NREP: variants seen among roughly 807,000 people sequenced by gnomAD.
NREP encodes the protein neuronal regeneration related protein, also known as neuronal regeneration-related protein.
In NREP, 5 loss-of-function variants were observed where a neutral mutation model predicts 8.6. The ratio of observed to expected loss-of-function variants is 0.58; its 90% CI spans 0.30 to 1.22. The LOEUF is 1.22. Ranked by LOEUF, NREP falls within the 50% of genes most tolerant of loss-of-function variation. NREP has a pLI of 0.07. For missense variants in NREP, 86 were observed against 82.5 expected (o/e 1.04, Z -0.17); for synonymous variants, 27 against 28.0 (o/e 0.96, Z 0.11).
At chr5:111,973,348 C>A (rs767471667) in intron 2 of NREP, among the ~76,000 whole-genome samples, 3 of 152,140 alleles carry the variant, frequency 2.0e-5, no homozygotes, top group East Asian at 3.8e-4. Context: ...CTTATCCACA[C>A]GCAACACTTG....
intron 2 of NREP, among the ~76,000 whole-genome samples, chr5:111,943,468 A>T (rs1011592181): frequency 6.6e-6 from 1 of 151,904 alleles, no homozygotes; most frequent in East Asian, 1.9e-4. Flanking sequence ...TTACTCTTAA[A>T]CCTATATCTC....
chr5:111,802,586 A>C (rs1752039284), intron 2 of NREP, among the ~76,000 whole-genome samples: 1 of 152,184 alleles, frequency 6.6e-6, no homozygotes, highest in African/African-American at 2.4e-5. Flanking sequence ...CAATTTAACA[A>C]ATGTAAAAAA....
intron 2 of NREP, among the ~76,000 whole-genome samples, chr5:111,930,871 A>T (rs920317540): frequency 1.3e-5 from 2 of 152,146 alleles, no homozygotes; most frequent in African/African-American, 4.8e-5. Flanking sequence ...CTTCCAGGAA[A>T]GGTTTCCTTA....
intron 2 of NREP, among the ~76,000 whole-genome samples, chr5:111,884,503 C>T (rs528600668): frequency 6.6e-6 from 1 of 152,232 alleles, no homozygotes; most frequent in East Asian, 1.9e-4. Flanking sequence ...ATACCAAAGC[C>T]AGGCAGAGAC....
intron 2 of NREP, among the ~76,000 whole-genome samples, chr5:111,777,444 C>A (rs751077691): frequency 3.3e-5 from 5 of 151,902 alleles, no homozygotes; most frequent in Non-Finnish European, 7.4e-5. Context: ...GGGTAGCTCA[C>A]TTTTCAGTGT....
intron 2 of NREP, among the ~76,000 whole-genome samples, chr5:111,892,641 A>T (rs2112535887): frequency 6.6e-6 from 1 of 151,564 alleles, no homozygotes; most frequent in South Asian, 2.1e-4. Flanking sequence ...AAAAAAAGGG[A>T]GTGAATGCCT....
chr5:111,895,402 A>G (rs1754485078), intron 2 of NREP, among the ~76,000 whole-genome samples: 1 of 152,196 alleles, frequency 6.6e-6, no homozygotes. Context: ...AGTGACAGTG[A>G]AGAACCAGCA....
At chr5:111,778,243 A>G (rs1316485848) in intron 2 of NREP, among the ~76,000 whole-genome samples, 1 of 152,194 alleles carries the variant, frequency 6.6e-6, no homozygotes, top group Non-Finnish European at 1.5e-5. Context: ...ATTTGTAATA[A>G]TGCAGATAAC....
At chr5:111,861,292 G>A (rs1753537419) in intron 2 of NREP, among the ~76,000 whole-genome samples, 1 of 152,108 alleles carries the variant, frequency 6.6e-6, no homozygotes, top group South Asian at 2.1e-4. Context: ...GGCTGCCCAG[G>A]TCTTTGCCCC....
chr5:111,734,904 T>C (rs1010849259), intron 3 of NREP: 3 of 427,860 alleles, frequency 7.0e-6, no homozygotes, highest in African/African-American at 2.0e-5. Flanking sequence ...ATATAAATTT[T>C]ACAAATTTTC....
At chr5:111,745,161 T>C (rs891121685) in intron 2 of NREP, among the ~76,000 whole-genome samples, 1 of 152,116 alleles carries the variant, frequency 6.6e-6, no homozygotes, top group African/African-American at 2.4e-5. Context: ...AACCCAAATA[T>C]ATATAAAGCG....
chr5:111,831,201 A>G (rs901206741), intron 2 of NREP, among the ~76,000 whole-genome samples: 4 of 152,038 alleles, frequency 2.6e-5, no homozygotes, highest in Non-Finnish European at 5.9e-5. Context: ...TCATCACTTT[A>G]CTGACATGGC....
rs774607946 is a variant in NREP, at chr5:111,730,768, C to CTATT, written c.*149_*152dup. The CTATT allele has an allele frequency of 6.2e-5, 51 of 827,184 alleles. No individual in the cohort carries two copies. The East Asian group carries it at 6.4e-4, about 10-fold the overall frequency. The allele number at this position is 827,184 out of a possible 1,614,324, so 51.2% of individuals were successfully genotyped here. A position where few individuals can be genotyped will look rare whatever the true frequency, so the allele number is the denominator to read the frequency against. On this transcript the variant is annotated 3_prime_UTR_variant, in exon 4 of 4. Coordinates refer to ENST00000257435, the MANE Select transcript of NREP (RefSeq NM_004772.4). Reference sequence around the variant, plus strand: ...TGATTAAAAACTGGTTTGATGACACCTATTTGTCCACTGTAAATTCTCTAA... The same window carrying CTATT: ...TGATTAAAAACTGGTTTGATGACACCTATTTATTTGTCCACTGTAAATTCTCTAA...
At chr5:111,836,432 G>A (rs1394677682) in intron 2 of NREP, among the ~76,000 whole-genome samples, 1 of 152,050 alleles carries the variant, frequency 6.6e-6, no homozygotes, top group East Asian at 1.9e-4. Context: ...TAGGACCTAA[G>A]TCAGGGAAGA....
upstream of NREP, chr5:111,757,973 G>C: frequency 4.8e-5 from 47 of 985,532 alleles, no homozygotes; most frequent in Non-Finnish European, 5.7e-5. Flanking sequence ...GAGGAAAAGA[G>C]GACGGCGACG....
intron 2 of NREP, among the ~76,000 whole-genome samples, chr5:111,790,125 A>C (rs896590109): frequency 1.3e-5 from 2 of 152,164 alleles, no homozygotes; most frequent in African/African-American, 2.4e-5. Flanking sequence ...TTAATTCAAA[A>C]TCAGAACTAC....
intron 2 of NREP, among the ~76,000 whole-genome samples, chr5:111,885,823 A>T (rs1238656893): frequency 1.3e-5 from 2 of 152,222 alleles, no homozygotes; most frequent in African/African-American, 2.4e-5. Flanking sequence ...AAATTAATTC[A>T]AGATGAATTA....
At chr5:111,964,867 A>ATAAAT (rs1321056547) in intron 2 of NREP, among the ~76,000 whole-genome samples, 6 of 105,330 alleles carry the variant, frequency 5.7e-5, no homozygotes, top group Non-Finnish European at 1.0e-4. Flanking sequence ...AAAAAAAAAA[A>ATAAAT]AAAAAAAAAA....
chr5:111,856,782 A>G (rs1174106168), intron 2 of NREP, among the ~76,000 whole-genome samples: 1 of 151,758 alleles, frequency 6.6e-6, no homozygotes, highest in East Asian at 1.9e-4. Context: ...GACTTGCTTC[A>G]GAGACATTGA....
Sources: allele counts gnomAD v4.1 joint callset (sites outside exome capture counted in the v4.1 genomes callset), GRCh38; gene constraint gnomAD v4.1.1; transcripts MANE v1.5; gene names NCBI Gene and HGNC (gene_info 2026-07-23, HGNC 2026-07-21).